Variants in NAV3 observed in about 807,000 individuals in gnomAD.
NAV3 encodes the protein pore membrane and/or filament interacting like protein 1.
In NAV3, 87 loss-of-function variants were observed where a neutral mutation model predicts 244.7. The ratio of observed to expected loss-of-function variants is 0.36; its 90% CI spans 0.30 to 0.42. The LOEUF (loss-of-function observed/expected upper bound fraction) is 0.42. Ranked by LOEUF, NAV3 falls within the 20% of genes least tolerant of loss-of-function variation. The pLI is 1.00. For missense variants in NAV3, 2,663 were observed against 2,893.3 expected (o/e 0.92, Z 1.83); for synonymous variants, 1,126 against 1,042.2 (o/e 1.08, Z -1.55).
At chr12:77,635,458 T>TC (rs1226282257) in intron 2 of NAV3, among the ~76,000 whole-genome samples, 8 of 152,228 alleles carry the variant, frequency 5.3e-5, no homozygotes, top group Non-Finnish European at 1.2e-4. Context: ...TATATGTAGA[T>TC]AAACTTTTCT....
upstream of NAV3, among the ~76,000 whole-genome samples, chr12:77,827,567 A>T (rs985510439): frequency 6.6e-6 from 1 of 152,168 alleles, no homozygotes; most frequent in African/African-American, 2.4e-5. Flanking sequence ...ATGACAACCA[A>T]TTTATTTCAT....
At chr12:77,940,937 T>G (rs578175528) in intron 2 of NAV3, 144 bp from the exon 3 acceptor site, 1 of 591,956 alleles carries the variant, frequency 1.7e-6, no homozygotes, top group Non-Finnish European at 3.0e-6. Flanking sequence ...TGTCTTCTTG[T>G]ACACTGCTTG....
intron 2 of NAV3, among the ~76,000 whole-genome samples, chr12:77,676,720 C>T (rs539080099): frequency 6.6e-6 from 1 of 152,088 alleles, no homozygotes; most frequent in African/African-American, 2.4e-5. Flanking sequence ...AGGACAAATA[C>T]CTAATGCATG....
rs1353432979 is a variant in NAV3 at position 77,831,288 on chromosome 12, A to T, written c.-174A>T. On this transcript the variant is annotated 5_prime_UTR_variant, in exon 1 of 40. Coordinates refer to ENST00000397909, the MANE Select transcript of NAV3 (RefSeq NM_001024383.2). ...GCAAGAAAGAAAAGATACTTAACTA[A>T]AGATGCAGGGAAGTTTTGCCTCTTC... 1.2e-5 allele frequency: 7 copies of T among 570,454 alleles called. No homozygotes were observed. In the East Asian group the frequency reaches 2.2e-4, roughly 18 times the overall value. The allele number at this position is 570,454 out of a possible 1,614,324, so 35.3% of individuals were successfully genotyped here. A position where few individuals can be genotyped will look rare whatever the true frequency, so the allele number is the denominator to read the frequency against.
chr12:78,170,494 G>A (rs957848509), intron 24 of NAV3, among the ~76,000 whole-genome samples: 5 of 151,466 alleles, frequency 3.3e-5, no homozygotes, highest in African/African-American at 4.8e-5. Flanking sequence ...CAGTCTTCAC[G>A]CTGAAGCCAG....
At chr12:78,083,033 T>C (rs1368884990) in intron 12 of NAV3, among the ~76,000 whole-genome samples, 1 of 152,182 alleles carries the variant, frequency 6.6e-6, no homozygotes, top group Non-Finnish European at 1.5e-5. Context: ...TATTTGAAAC[T>C]GAATAATTTA....
At chr12:78,154,270 T>C (rs1437967549) in intron 22 of NAV3, among the ~76,000 whole-genome samples, 10 of 129,286 alleles carry the variant, frequency 7.7e-5, no homozygotes, top group African/African-American at 2.8e-4. Context: ...ATATATAGTA[T>C]ATATTACTAT....
At chr12:78,069,091 A>G (rs921972737) in intron 12 of NAV3, among the ~76,000 whole-genome samples, 8 of 151,958 alleles carry the variant, frequency 5.3e-5, no homozygotes, top group Non-Finnish European at 1.2e-4. Flanking sequence ...CTCCGGCTGC[A>G]TAGAGTGGGT....
At chr12:77,933,501 C>CA (rs776046873) in intron 1 of NAV3, among the ~76,000 whole-genome samples, 6 of 152,198 alleles carry the variant, frequency 3.9e-5, no homozygotes, top group Non-Finnish European at 7.3e-5. Context: ...ATGGGGTAGT[C>CA]AACTCATTAA....
intron 8 of NAV3, among the ~76,000 whole-genome samples, chr12:78,016,704 C>G (rs1331239781): frequency 6.6e-6 from 1 of 152,158 alleles, no homozygotes; most frequent in Non-Finnish European, 1.5e-5. Context: ...ATCAGTTCTA[C>G]TTGTGTCTAC....
intron 2 of NAV3, among the ~76,000 whole-genome samples, chr12:77,648,052 T>G (rs1252779317): frequency 6.6e-6 from 1 of 152,048 alleles, no homozygotes; most frequent in African/African-American, 2.4e-5. Context: ...GATGTTGGAC[T>G]CCCTATCAAT....
intron 2 of NAV3, among the ~76,000 whole-genome samples, chr12:77,739,695 A>T (rs1293861264): frequency 6.6e-6 from 1 of 152,162 alleles, no homozygotes; most frequent in South Asian, 2.1e-4. Flanking sequence ...TTTTATGAAA[A>T]TAAGTTTGTG....
intron 2 of NAV3, among the ~76,000 whole-genome samples, chr12:77,579,343 C>T (rs1186978683): frequency 1.3e-5 from 2 of 152,330 alleles, no homozygotes; most frequent in East Asian, 3.9e-4. Context: ...GTGCCCATGA[C>T]TCTACCTTAC....
chr12:77,756,558 C>A (rs1469941811), intron 2 of NAV3, among the ~76,000 whole-genome samples: 8 of 152,054 alleles, frequency 5.3e-5, no homozygotes, highest in Non-Finnish European at 1.2e-4. Context: ...GTTTATGAGC[C>A]TGGAATGTCA....
chr12:78,169,944 G>A (rs947909869), intron 24 of NAV3, among the ~76,000 whole-genome samples: 4 of 151,386 alleles, frequency 2.6e-5, no homozygotes, highest in Non-Finnish European at 4.4e-5. Flanking sequence ...TATTTCTTTT[G>A]TAAATTCACT....
At chr12:77,897,145 A>G (rs1426399715) in intron 1 of NAV3, among the ~76,000 whole-genome samples, 16 of 152,224 alleles carry the variant, frequency 1.1e-4, no homozygotes, top group Admixed American at 1.0e-3. Flanking sequence ...CTAGGAAGGC[A>G]TCTAGAGGAA....
At chr12:78,117,231 T>C (rs1955442652) in intron 13 of NAV3, among the ~76,000 whole-genome samples, 1 of 53,026 alleles carries the variant, frequency 1.9e-5, no homozygotes, top group Non-Finnish European at 4.3e-5. Flanking sequence ...ATGTAATATA[T>C]GTGCCATATA....
At position 78,137,476 on chromosome 12, in the gene NAV3, A is replaced by G. The variant is rs759466876; in HGVS notation, c.4630+111A>G. On this transcript the variant is annotated intron_variant, in intron 19 of 39. Transcript: ENST00000397909. ...CCTGAAGAGGAAAATAAACTAGTGT[A>G]ATTATCATTTGGGAAACTAGAAGCT... The G allele has an allele frequency of 5.4e-4, 593 of 1,093,586 alleles. 2 individuals carry two copies. Among genetic ancestry groups the G allele is most frequent in the Non-Finnish European group, 6.9e-4 (551 of 798,126 alleles). 67.7% of individuals were successfully genotyped at this position (1,093,586 alleles called of 1,614,324 possible).
At chr12:77,608,270 C>A (rs1412836041) in intron 2 of NAV3, among the ~76,000 whole-genome samples, 1 of 151,956 alleles carries the variant, frequency 6.6e-6, no homozygotes, top group Non-Finnish European at 1.5e-5. Context: ...TAAACAGATC[C>A]AGGAAAATGA....
Sources: allele counts gnomAD v4.1 joint callset (sites outside exome capture counted in the v4.1 genomes callset), GRCh38; gene constraint gnomAD v4.1.1; transcripts MANE v1.5; gene names NCBI Gene and HGNC (gene_info 2026-07-23, HGNC 2026-07-21).